Variants in IGSF5 observed in about 807,000 individuals in gnomAD.
The protein encoded by IGSF5 is immunoglobulin superfamily member 5, also known as immunoglobulin superfamily 5 like.
IGSF5 carries 41 observed loss-of-function variants against 39.4 expected under a neutral mutation model. That is an observed-to-expected ratio of 1.04 (90% confidence interval 0.81 to 1.35). The LOEUF (loss-of-function observed/expected upper bound fraction) is 1.35, where lower values mean the gene tolerates loss of function less well. IGSF5 is among the 40% of genes most tolerant of loss of function. The pLI is 0.00. For synonymous variants in IGSF5, 183 were observed against 175.3 expected (o/e 1.04, Z -0.34); for missense variants, 487 against 494.6 (o/e 0.98, Z 0.15).
intron 6 of IGSF5, among the ~76,000 whole-genome samples, chr21:39,789,643 A>G (rs1217391800): frequency 5.3e-5 from 8 of 152,218 alleles, no homozygotes; most frequent in African/African-American, 1.9e-4. Context: ...AAAAAAATCA[A>G]TGCATGTTTA....
intron 3 of IGSF5, among the ~76,000 whole-genome samples, chr21:39,770,451 C>T (rs577861814): frequency 6.6e-6 from 1 of 152,092 alleles, no homozygotes; most frequent in East Asian, 1.9e-4. Flanking sequence ...ATCTGATTGA[C>T]CAAAACTCCA....
At chr21:39,757,872 C>T (rs2080040144) in intron 2 of IGSF5, among the ~76,000 whole-genome samples, 1 of 152,186 alleles carries the variant, frequency 6.6e-6, no homozygotes, top group Non-Finnish European at 1.5e-5. Flanking sequence ...CCACCGCGCC[C>T]AGACTGTGCT....
the IGSF5 span, among the ~76,000 whole-genome samples, chr21:39,723,431 A>C: frequency 6.6e-6 from 1 of 152,242 alleles, no homozygotes. Flanking sequence ...ATGGAATCAC[A>C]GAAGTGACTT....
the IGSF5 span, among the ~76,000 whole-genome samples, chr21:39,717,512 T>C: frequency 6.6e-6 from 1 of 152,212 alleles, no homozygotes; most frequent in Admixed American, 6.5e-5. Context: ...TGAGCTGATT[T>C]GTGTATATGG....
chr21:39,731,919 C>T, the IGSF5 span, among the ~76,000 whole-genome samples: 4 of 152,172 alleles, frequency 2.6e-5, no homozygotes, highest in Non-Finnish European at 5.9e-5. Flanking sequence ...TGACACTGTG[C>T]CCAATTCTAG....
intron 4 of IGSF5, among the ~76,000 whole-genome samples, chr21:39,775,487 A>T (rs534348321): frequency 6.6e-6 from 1 of 152,334 alleles, no homozygotes; most frequent in East Asian, 1.9e-4. Flanking sequence ...ATATTAATCC[A>T]TTTGGTTTTA....
intron 2 of IGSF5, among the ~76,000 whole-genome samples, chr21:39,750,086 T>C (rs1427841465): frequency 6.6e-6 from 1 of 152,214 alleles, no homozygotes; most frequent in East Asian, 1.9e-4. Flanking sequence ...CTATCTTATT[T>C]AGGAATAAAA....
At position 39,792,088 on chromosome 21, in the gene IGSF5, A is replaced by G; in HGVS notation, c.1037A>G (p.Gln346Arg). 6.2e-7 allele frequency: 1 copy of G among 1,608,006 alleles called. No homozygotes were observed. The highest frequency in any genetic ancestry group is 2.2e-5 in the East Asian group (1 of 44,826). Residue 346 changes from glutamine to arginine, a missense_variant, in exon 7 of 9, where the codon CAA becomes CGA. Coordinates refer to ENST00000380588, the MANE Select transcript of IGSF5 (RefSeq NM_001080444.2). ...NENSGYNSDE[Q>R]KTTDTASLPP... is the part of the protein sequence containing the mutation. ...AACTCCGGCTACAATTCAGATGAAC[A>G]AAAGACCACAGGTGAGTAGACAAGA...
chr21:39,770,938 C>A lies in IGSF5; in HGVS notation c.441C>A (p.Pro147=). 1 of 1,574,942 alleles carries A rather than the reference C, an allele frequency of 6.3e-7. No individual in the cohort carries two copies. The highest frequency in any genetic ancestry group is 1.2e-5 in the South Asian group (1 of 83,796). Residue 147 remains proline, a synonymous_variant, in exon 4 of 9, where the codon CCC becomes CCA. Transcript: ENST00000380588. ...TVQVMGELFI[P]SVNLVVAENE... ...TAGTTATGGGAGAGCTGTTCATTCC[C>A]AGTGTTAATCTTGTAGTCGCTGAGA...
rs1009844089 is a variant in IGSF5, at chr21:39,755,426, A to G, written c.100+9128A>G. Among the ~76,000 whole-genome samples the G allele has an allele frequency of 3.1e-4, 47 of 152,126 alleles. No homozygotes were observed. In the South Asian group the frequency reaches 3.3e-3, roughly 11 times the overall value. On this transcript the variant is annotated intron_variant, in intron 2 of 8. Coordinates refer to ENST00000380588, the MANE Select transcript of IGSF5 (RefSeq NM_001080444.2). ...ACGGTGAAACCCTGTCTCTACTGAAAATACAAAAAAATTAGCCGAGCATGG... is the reference window on the plus strand; with the variant it reads ...ACGGTGAAACCCTGTCTCTACTGAAGATACAAAAAAATTAGCCGAGCATGG...
chr21:39,757,859 G>C (rs991738382), intron 2 of IGSF5, among the ~76,000 whole-genome samples: 1 of 152,160 alleles, frequency 6.6e-6, no homozygotes, highest in Non-Finnish European at 1.5e-5. Context: ...TTACAGGCGT[G>C]AGCCACCGCG....
intron 2 of IGSF5, among the ~76,000 whole-genome samples, chr21:39,760,649 C>T (rs190016942): frequency 6.6e-6 from 1 of 152,048 alleles, no homozygotes; most frequent in Non-Finnish European, 1.5e-5. Flanking sequence ...CGGCTCACTG[C>T]AACCTCCGCC....
chr21:39,749,739 GA>G lies in IGSF5; in HGVS notation c.100+3442del, dbSNP rs759782508. Among the ~76,000 whole-genome samples, 13 of 152,370 alleles carry G rather than the reference GA, an allele frequency of 8.5e-5. No homozygotes were observed. The East Asian group carries it at 2.5e-3, about 29-fold the overall frequency. ...GGGCTTCCAAGTTGTAGGTAGACAA[GA>G]GACACAAGGTTGATCAGCCTCTCAC... On this transcript the variant is annotated intron_variant, in intron 2 of 8. Transcript: ENST00000380588.
chr21:39,788,112 G>T, intron 5 of IGSF5, 55 bp from the exon 6 acceptor site: 1 of 1,404,548 alleles, frequency 7.1e-7, no homozygotes, highest in Admixed American at 1.9e-5. Context: ...AATGAGACTC[G>T]ATTTTTAGAA....
intron 2 of IGSF5, among the ~76,000 whole-genome samples, chr21:39,750,883 G>A (rs1393756126): frequency 1.3e-5 from 2 of 152,248 alleles, no homozygotes; most frequent in East Asian, 3.8e-4. Flanking sequence ...GGATCTGTCA[G>A]CCTCCAGCTG....
intron 3 of IGSF5, among the ~76,000 whole-genome samples, chr21:39,768,326 A>AT (rs1046150426): frequency 2.3e-4 from 35 of 152,180 alleles, no homozygotes; most frequent in Admixed American, 1.4e-3. Flanking sequence ...TTATTCTATG[A>AT]TTTTTTCACC....
At chr21:39,748,659 A>G (rs551630177) in intron 2 of IGSF5, among the ~76,000 whole-genome samples, 68 of 152,220 alleles carry the variant, frequency 4.5e-4, no homozygotes, top group Non-Finnish European at 8.7e-4. Flanking sequence ...ATCTCTAAAT[A>G]CCATGACATT....
intron 4 of IGSF5, among the ~76,000 whole-genome samples, chr21:39,778,335 A>G (rs1262299574): frequency 1.3e-5 from 2 of 152,218 alleles, no homozygotes; most frequent in African/African-American, 2.4e-5. Flanking sequence ...TGAAGCCACA[A>G]CAGCTCTGCT....
intron 2 of IGSF5, among the ~76,000 whole-genome samples, chr21:39,763,781 G>T (rs893067040): frequency 3.3e-5 from 5 of 152,108 alleles, no homozygotes; most frequent in African/African-American, 7.2e-5. Flanking sequence ...CCCTCGGGGC[G>T]CAGACTCGGC....
Sources: gnomAD v4.1 joint callset for allele counts (sites outside exome capture counted in the v4.1 genomes callset) on GRCh38, gnomAD v4.1.1 for gene constraint, MANE v1.5 for transcripts, NCBI Gene and HGNC (gene_info 2026-07-23, HGNC 2026-07-21) for gene names.